The following NTS variants were observed in gnomAD, a reference collection of about 807,000 sequenced individuals.
NTS encodes the protein neurotensin.
In NTS, 20 loss-of-function variants were observed where a neutral mutation model predicts 19.5. The ratio of observed to expected loss-of-function variants is 1.02; its 90% CI spans 0.72 to 1.49. The LOEUF (loss-of-function observed/expected upper bound fraction) is 1.49. Ranked by LOEUF, NTS falls within the 40% of genes most tolerant of loss-of-function variation. The pLI, the probability that NTS is intolerant of heterozygous loss-of-function variation, is 0.00. For synonymous variants in NTS, 71 were observed against 63.3 expected (o/e 1.12, Z -0.58); for missense variants, 215 against 193.1 (o/e 1.11, Z -0.67).
intron 2 of NTS, chr12:85,877,894 C>A (rs1565770093): frequency 6.6e-6 from 1 of 152,326 alleles, no homozygotes; most frequent in African/African-American, 2.4e-5. Context: ...CTACCCATAA[C>A]AATTATTAAT....
At chr12:85,876,553 T>A (rs1352780808) in intron 1 of NTS, 87 bp from the exon 2 acceptor site, 1 of 747,778 alleles carries the variant, frequency 1.3e-6, no homozygotes, top group East Asian at 3.1e-5. Context: ...CCTCTAAGAT[T>A]TTTTTTTAGA....
chr12:85,881,524 T>G (rs1881502120), intron 3 of NTS, among the ~76,000 whole-genome samples: 1 of 152,196 alleles, frequency 6.6e-6, no homozygotes, highest in Non-Finnish European at 1.5e-5. Flanking sequence ...GGCATACTCC[T>G]GCCTCATGAT....
intron 3 of NTS, among the ~76,000 whole-genome samples, chr12:85,881,577 T>G (rs1487141512): frequency 6.6e-6 from 1 of 152,148 alleles, no homozygotes; most frequent in Non-Finnish European, 1.5e-5. Context: ...CTTAAGTTAT[T>G]GAATCTGAGC....
At chr12:85,876,503 G>A in intron 1 of NTS, 137 bp from the exon 2 acceptor site, 1 of 447,330 alleles carries the variant, frequency 2.2e-6, no homozygotes, top group Non-Finnish European at 4.0e-6. Flanking sequence ...TTGTTTTTTA[G>A]GATTACTATT....
In NTS at chr12:85,882,360, T is replaced by C; in HGVS notation, c.498T>C (p.Asp166=). ...GAAGACCCTACATACTCAAAAGAGA[T>C]TCTTACTATTACTGAGAGAATAAAT... ...KPRRPYILKR[D]SYYY The change falls in exon 4 of 4, where the codon GAT becomes GAC. Residue 166 remains aspartate, a synonymous_variant. Coordinates refer to ENST00000256010, the MANE Select transcript of NTS (RefSeq NM_006183.5). 1 of 1,576,626 alleles carries C rather than the reference T, an allele frequency of 6.3e-7. No individual in the cohort carries two copies. The highest frequency in any genetic ancestry group is 8.6e-7 in the Non-Finnish European group (1 of 1,167,836).
chr12:85,882,402 AT>A lies in NTS; in HGVS notation c.*29del, dbSNP rs1881521735. 1.4e-6 allele frequency: 2 copies of A among 1,444,420 alleles called. No homozygotes were observed. Among genetic ancestry groups the A allele is most frequent in the African/African-American group, 1.5e-5 (1 of 68,880 alleles). 89.5% of individuals were successfully genotyped at this position (1,444,420 alleles called of 1,614,324 possible). A position where few individuals can be genotyped will look rare whatever the true frequency, so the allele number is the denominator to read the frequency against. ...AGAATAAATCATTTATTTACATGTG[AT>A]TGTGATTCATCATCCCTTAATTAAA... On this transcript the variant is annotated 3_prime_UTR_variant, in exon 4 of 4. Transcript: ENST00000256010.
intron 1 of NTS, among the ~76,000 whole-genome samples, chr12:85,876,012 T>C (rs1881332942): frequency 2.6e-5 from 4 of 152,016 alleles, no homozygotes; most frequent in Admixed American, 1.3e-4. Flanking sequence ...CTGTTGTACA[T>C]GTGTTGTTGA....
At chr12:85,878,014 ATTT>A (rs1297705325) in intron 2 of NTS, 1 of 164,624 alleles carries the variant, frequency 6.1e-6, no homozygotes, top group African/African-American at 2.4e-5. Context: ...AGACAGAATA[ATTT>A]TTTATTTTTA....
intron 3 of NTS, among the ~76,000 whole-genome samples, chr12:85,879,188 T>A (rs369232484): frequency 2.8e-4 from 25 of 89,904 alleles, no homozygotes; most frequent in African/African-American, 9.6e-4. Flanking sequence ...AAATATATTT[T>A]TATGTATATT....
At chr12:85,880,315 G>C (rs1881473484) in intron 3 of NTS, among the ~76,000 whole-genome samples, 1 of 151,988 alleles carries the variant, frequency 6.6e-6, no homozygotes, top group African/African-American at 2.4e-5. Context: ...AGAGAAGGGG[G>C]AAGAAAAATA....
intron 2 of NTS, among the ~76,000 whole-genome samples, chr12:85,877,867 C>A (rs899634129): frequency 2.6e-5 from 4 of 152,060 alleles, no homozygotes; most frequent in African/African-American, 9.7e-5. Flanking sequence ...CATGAAGGTT[C>A]TATATAATCT....
At position 85,874,416 on chromosome 12, in the gene NTS, A is replaced by G; in HGVS notation, c.13A>G (p.Met5Val). Residue 5 changes from methionine to valine, a missense_variant, in exon 1 of 4, where the codon ATG becomes GTG. Coordinates refer to ENST00000256010, the MANE Select transcript of NTS (RefSeq NM_006183.5). Reference sequence around the variant, plus strand: ...AGAAGGCTGAAAGATGATGGCAGGAATGAAAATCCAGCTTGTATGCATGCT... The same window carrying G: ...AGAAGGCTGAAAGATGATGGCAGGAGTGAAAATCCAGCTTGTATGCATGCT... MMAG[M>V]KIQLVCMLLL... 1 of 1,613,428 alleles carries G rather than the reference A, an allele frequency of 6.2e-7. No individual in the cohort carries two copies. The highest frequency in any genetic ancestry group is 8.5e-7 in the Non-Finnish European group (1 of 1,179,404).
chr12:85,882,311 G>C lies in NTS; in HGVS notation c.449G>C (p.Arg150Pro), dbSNP rs563452062. ...IKRKIPYILK[R>P]QLYENKPRRP... ...AGAAAAATTCCTTATATTCTGAAAC[G>C]GCAGCTGTATGAGAATAAACCCAGA... Residue 150 changes from arginine to proline, a missense_variant, in exon 4 of 4, where the codon CGG becomes CCG. Transcript: ENST00000256010. 6.8e-6 allele frequency: 11 copies of C among 1,608,058 alleles called. No individual in the cohort carries two copies. Among genetic ancestry groups the C allele is most frequent in the Non-Finnish European group, 9.3e-6 (11 of 1,177,396 alleles).
In NTS at chr12:85,882,274, G is replaced by C. The variant is rs1305819414; in HGVS notation, c.412G>C (p.Glu138Gln). ...DTGNDKNGKE[E>Q]VIKRKIPYIL... ...TGGAAATGACAAAAATGGAAAGGAA[G>C]AAGTCATAAAGAGAAAAATTCCTTA... The change falls in exon 4 of 4, where the codon GAA (glutamate) becomes CAA (glutamine). Residue 138 changes from glutamate (E) to glutamine (Q), a missense_variant. By Grantham distance (29) the Glu-to-Gln change is conservative. Transcript: ENST00000256010. 10 of 1,608,346 alleles carry C rather than the reference G, an allele frequency of 6.2e-6. No individual in the cohort carries two copies. In the East Asian group the frequency reaches 2.0e-4, roughly 32 times the overall value.
At chr12:85,880,780 G>A (rs1881484924) in intron 3 of NTS, among the ~76,000 whole-genome samples, 1 of 152,020 alleles carries the variant, frequency 6.6e-6, no homozygotes, top group South Asian at 2.1e-4. Flanking sequence ...GTGAAACCCC[G>A]TCTCTACTAA....
At position 85,878,518 on chromosome 12, in the gene NTS, A is replaced by C. The variant is rs1280090120; in HGVS notation, c.309A>C (p.Thr103=). The stretch of plus-strand genomic sequence containing the variant: ...GCTTTAGCTTGGAAGCAATGTTGAC[A>C]ATATACCAGCTCCACAAAATCTGTC... ...LDGFSLEAML[T]IYQLHKICHS... Residue 103 remains threonine, a synonymous_variant, in exon 3 of 4, where the codon ACA becomes ACC. Coordinates refer to ENST00000256010, the MANE Select transcript of NTS (RefSeq NM_006183.5). 6.2e-7 allele frequency: 1 copy of C among 1,613,714 alleles called. No individual in the cohort carries two copies. Among genetic ancestry groups the C allele is most frequent in the South Asian group, 1.1e-5 (1 of 91,008 alleles).
At position 85,878,324 on chromosome 12, in the gene NTS, G is replaced by A. The variant is rs527829573; in HGVS notation, c.136-21G>A. ...ATGTAACACAAGTTTTAATTGCAGG[G>A]GTTTTTTTAATATATTTCAGATTAG... On this transcript the variant is annotated intron_variant, in intron 2 of 3. Transcript: ENST00000256010. The A allele has an allele frequency of 2.4e-5, 36 of 1,518,380 alleles. No individual in the cohort carries two copies. The South Asian group carries it at 4.0e-4, about 17-fold the overall frequency. The allele number at this position is 1,518,380 out of a possible 1,614,324, so 94.1% of individuals were successfully genotyped here. A position where few individuals can be genotyped will look rare whatever the true frequency, so the allele number is the denominator to read the frequency against.
At chr12:85,878,710 A>C in intron 3 of NTS, 141 bp downstream of exon 3, 1 of 484,136 alleles carries the variant, frequency 2.1e-6, no homozygotes, top group South Asian at 6.0e-5. Flanking sequence ...TTTGAAGTCA[A>C]CATTGCTTCA....
At chr12:85,881,897 T>A (rs1881511232) in intron 3 of NTS, among the ~76,000 whole-genome samples, 2 of 152,108 alleles carry the variant, frequency 1.3e-5, no homozygotes, top group African/African-American at 4.8e-5. Context: ...AAAGGTCTAT[T>A]TGATGCTTTT....
Sources: allele counts gnomAD v4.1 joint callset (sites outside exome capture counted in the v4.1 genomes callset), GRCh38; gene constraint gnomAD v4.1.1; transcripts MANE v1.5; gene names NCBI Gene and HGNC (gene_info 2026-07-23, HGNC 2026-07-21).